The following MROH1 variants were observed in gnomAD, a reference collection of about 807,000 sequenced individuals.
MROH1 encodes the protein maestro heat like repeat family member 1, also known as maestro heat-like repeat-containing protein family member 1.
In MROH1, 117 loss-of-function variants were observed where a neutral mutation model predicts 116.5. That is an observed-to-expected ratio of 1.00 (90% CI 0.86 to 1.17). The LOEUF is 1.17. Among genes scored for constraint, MROH1 ranks in the 50% most tolerant of loss-of-function variants. The probability of loss-of-function intolerance (pLI) is 0.00; values close to 1 mark genes in which losing one functional copy is unlikely to be tolerated. For synonymous variants in MROH1, 921 were observed against 583.9 expected, an observed-to-expected ratio of 1.58 and a Z score of -8.32; for missense variants, 1,873 against 1,338.5, an observed-to-expected ratio of 1.40 and a Z score of -6.23.
At chr8:144,148,318 C>T (rs930918459) in intron 1 of MROH1, among the ~76,000 whole-genome samples, 1 of 152,196 alleles carries the variant, frequency 6.6e-6, no homozygotes, top group East Asian at 1.9e-4. Context: ...CTGTGCTCCT[C>T]CTCTGCGCCG....
At chr8:144,254,789 A>G (rs1019210399) in intron 33 of MROH1, 24 bp from the exon 34 acceptor site, 2 of 760,650 alleles carry the variant, frequency 2.6e-6, no homozygotes, top group Non-Finnish European at 4.9e-6. Flanking sequence ...ACGGCCTCAA[A>G]GTGACTCTCC....
chr8:144,255,744 G>A (rs1437091763), intron 35 of MROH1, 39 bp downstream of exon 35: 14 of 722,892 alleles, frequency 1.9e-5, no homozygotes, highest in Admixed American at 5.9e-5. Context: ...GTACTGATTC[G>A]GAAGCACAGG....
intron 7 of MROH1, among the ~76,000 whole-genome samples, chr8:144,187,530 C>A (rs1827495195): frequency 6.6e-6 from 1 of 152,242 alleles, no homozygotes; most frequent in East Asian, 1.9e-4. Context: ...CACATTCCCA[C>A]AAATTATTAG....
intron 33 of MROH1, among the ~76,000 whole-genome samples, chr8:144,253,613 G>C (rs943609549): frequency 2.6e-5 from 4 of 152,098 alleles, no homozygotes; most frequent in Non-Finnish European, 5.9e-5. Flanking sequence ...CACGTTTCCT[G>C]CCAGGTCATT....
intron 10 of MROH1, among the ~76,000 whole-genome samples, chr8:144,195,214 A>AAAAAAAAAAAAAAAAAAAAAAAAC (rs1829564855): frequency 7.2e-6 from 1 of 138,570 alleles, no homozygotes; most frequent in Non-Finnish European, 1.6e-5. Context: ...AAAAAAAAAA[A>AAAAAAAAAAAAAAAAAAAAAAAAC]AAAAAGGCCG....
Position 144,261,132 on chromosome 8 carries a change from C to T in MROH1, c.4690C>T (p.Leu1564=). The T allele has an allele frequency of 3.9e-6, 3 of 774,222 alleles. No individual in the cohort carries two copies. Among genetic ancestry groups the T allele is most frequent in the South Asian group, 2.7e-5 (2 of 74,570 alleles). 48.0% of individuals were successfully genotyped at this position (774,222 alleles called of 1,614,324 possible). ...TCCCCAGATGCACCATTTCCCAGAC[C>T]TGCTGGGCCGTCTCCTGACCACCTG... The part of the protein sequence containing the change: ...CKHLMHHFPD[L]LGRLLTTCLF... The change falls in exon 42 of 44, where the codon CTG becomes TTG. Residue 1564 remains leucine (L), a synonymous_variant. Transcript: ENST00000326134.
Position 144,247,599 on chromosome 8 carries a change from G to T in MROH1, c.3040G>T (p.Glu1014Ter). ...CCGGGACTACCGCGATGACGTGGCGGAGCGGCTCCTCAGCCTCAAGGACGG... is the reference window on the plus strand; with the variant it reads ...CCGGGACTACCGCGATGACGTGGCGTAGCGGCTCCTCAGCCTCAAGGACGG... Reference protein sequence around the residue: ...FSRDYRDDVAERLLSLKDGLV... With the variant: ...FSRDYRDDVA Residue 1014 changes from glutamate (E) to a stop codon, truncating the protein, a stop_gained, in exon 31 of 44, where the codon GAG (glutamate) becomes TAG (stop). Transcript: ENST00000326134. LOFTEE classifies it high-confidence loss of function. 1 of 773,020 alleles carries T rather than the reference G, an allele frequency of 1.3e-6. No individual in the cohort carries two copies. 47.9% of individuals were successfully genotyped at this position (773,020 alleles called of 1,614,324 possible).
Position 144,191,811 on chromosome 8 carries a change from C to A in MROH1, c.811C>A (p.Leu271Ile). 6.2e-7 allele frequency: 1 copy of A among 1,613,502 alleles called. No homozygotes were observed. Among genetic ancestry groups the A allele is most frequent in the Non-Finnish European group, 8.5e-7 (1 of 1,179,842 alleles). ...GCTGCCCAAGCTCCTCCCTGGGATT[C>A]TCGCCCTCTACAAGAAGCACGCAGA... The part of the protein sequence containing the change: ...EQLPKLLPGI[L>I]ALYKKHAETF... The change falls in exon 9 of 44, where the codon CTC (leucine) becomes ATC (isoleucine). Residue 271 changes from leucine (L) to isoleucine (I), a missense_variant. By Grantham distance (5) the Leu-to-Ile change is conservative. Coordinates refer to ENST00000326134, the MANE Select transcript of MROH1 (RefSeq NM_032450.3).
chr8:144,247,365 T>C lies in MROH1; in HGVS notation c.2936T>C (p.Leu979Pro). The change falls in exon 30 of 44, where the codon CTG becomes CCG. Residue 979 changes from leucine to proline, a missense_variant. Leu to Pro is a moderately conservative substitution (Grantham distance 98). Coordinates refer to ENST00000326134, the MANE Select transcript of MROH1 (RefSeq NM_032450.3). ...CTCTTCTCCCCACGGTGTGCGGACC[T>C]GTGGCCTGCCACCCGCCAGGAGGCC... ...IGLFSPRCAD[L>P]WPATRQEAVD... is the part of the protein sequence containing the mutation. 1 of 772,246 alleles carries C rather than the reference T, an allele frequency of 1.3e-6. No individual in the cohort carries two copies. Among genetic ancestry groups the C allele is most frequent in the South Asian group, 1.4e-5 (1 of 72,674 alleles). 47.8% of individuals were successfully genotyped at this position (772,246 alleles called of 1,614,324 possible). A position where few individuals can be genotyped will look rare whatever the true frequency, so the allele number is the denominator to read the frequency against.
chr8:144,177,745 C>A (rs761723870), intron 4 of MROH1, among the ~76,000 whole-genome samples: 3 of 149,514 alleles, frequency 2.0e-5, no homozygotes, highest in Admixed American at 6.8e-5. Context: ...TGATAGAGTT[C>A]TCAGGAGATC....
chr8:144,149,341 G>T (rs1052100181), intron 1 of MROH1, among the ~76,000 whole-genome samples: 8 of 152,128 alleles, frequency 5.3e-5, no homozygotes, highest in Non-Finnish European at 8.8e-5. Context: ...TGAGGCTAAG[G>T]TGTTTTTGTT....
At chr8:144,194,839 T>C (rs998496659) in intron 10 of MROH1, among the ~76,000 whole-genome samples, 2 of 151,884 alleles carry the variant, frequency 1.3e-5, no homozygotes, top group African/African-American at 4.8e-5. Context: ...GCCCAGGAAG[T>C]TGAGGCTGCA....
chr8:144,260,325 G>C lies in MROH1; in HGVS notation c.4331G>C (p.Arg1444Pro). 1.3e-6 allele frequency: 1 copy of C among 741,292 alleles called. No homozygotes were observed. The highest frequency in any genetic ancestry group is 1.4e-5 in the South Asian group (1 of 70,512). 45.9% of individuals were successfully genotyped at this position (741,292 alleles called of 1,614,324 possible). Residue 1444 changes from arginine (R) to proline (P), a missense_variant, in exon 39 of 44, where the codon CGC becomes CCC. Arg to Pro is a moderately radical substitution (Grantham distance 103). Coordinates refer to ENST00000326134, the MANE Select transcript of MROH1 (RefSeq NM_032450.3). ...CACCTGGTGGAGTCCTGGGACCTGC[G>C]CTCAGGGCTGCTGCACGTGGCCATC... The part of the protein sequence containing the change: ...LVHLVESWDL[R>P]SGLLHVAIRI...
At position 144,240,997 on chromosome 8, in the gene MROH1, C is replaced by T. The variant is rs1417311626; in HGVS notation, c.1941C>T (p.Phe647=). ...GTTCTCTGGTTTTGTTTCAGAACTT[C>T]CTGTACAAATGCATAGGCACCACCC... ...CYDEAPQEKN[F]LYKCIGTTLG... Residue 647 remains phenylalanine (F), a synonymous_variant, in exon 21 of 44, where the codon TTC becomes TTT. Transcript: ENST00000326134. 5.3e-6 allele frequency: 4 copies of T among 760,776 alleles called. No homozygotes were observed. Among genetic ancestry groups the T allele is most frequent in the Admixed American group, 3.6e-5 (2 of 55,570 alleles). 47.1% of individuals were successfully genotyped at this position (760,776 alleles called of 1,614,324 possible). A position where few individuals can be genotyped will look rare whatever the true frequency, so the allele number is the denominator to read the frequency against.
At position 144,163,938 on chromosome 8, in the gene MROH1, T is replaced by C; in HGVS notation, c.22+90T>C. 1.4e-6 allele frequency: 2 copies of C among 1,435,824 alleles called. No homozygotes were observed. Among genetic ancestry groups the C allele is most frequent in the Non-Finnish European group, 1.9e-6 (2 of 1,030,740 alleles). 88.9% of individuals were successfully genotyped at this position (1,435,824 alleles called of 1,614,324 possible). ...AGGCCAAGGCTCTTACCAGCTCCAA[T>C]GGTGCCTAGAGTTTCCACCCTATAC... On this transcript the variant is annotated intron_variant, in intron 3 of 43. Coordinates refer to ENST00000326134, the MANE Select transcript of MROH1 (RefSeq NM_032450.3). The surrounding 1 kb of genome is among the most constrained non-coding windows in gnomAD (Gnocchi z 4.4).
chr8:144,216,684 CTTTTTTTTTT>C (rs71320815), intron 12 of MROH1, among the ~76,000 whole-genome samples: 12 of 142,926 alleles, frequency 8.4e-5, no homozygotes, highest in African/African-American at 1.1e-4. Context: ...TTTTTTACTG[CTTTTTTTTTT>C]TTTTTTTTTT....
At chr8:144,242,225 G>A (rs1349081011) in intron 22 of MROH1, 144 bp from the exon 23 acceptor site, 12 of 755,128 alleles carry the variant, frequency 1.6e-5, no homozygotes, top group South Asian at 2.8e-5. Context: ...AGGTGGTGCC[G>A]TGCACGGCTG....
At chr8:144,212,076 T>TTTTTTGTTTG (rs1554813808) in intron 12 of MROH1, among the ~76,000 whole-genome samples, 3 of 151,206 alleles carry the variant, frequency 2.0e-5, no homozygotes, top group East Asian at 1.9e-4. Context: ...TGTGTTGTTT[T>TTTTTTGTTTG]TTTGTTTGTT....
chr8:144,213,124 C>T (rs2132164873), intron 12 of MROH1: 1 of 770,818 alleles, frequency 1.3e-6, no homozygotes, highest in Non-Finnish European at 2.4e-6. Flanking sequence ...TTGCTTGAGT[C>T]ACCACGGCTG....
Sources: gnomAD v4.1 joint callset for allele counts (sites outside exome capture counted in the v4.1 genomes callset) on GRCh38, gnomAD v4.1.1 for gene constraint, Gnocchi (gnomAD v3.1) non-coding constraint, MANE v1.5 for transcripts, NCBI Gene and HGNC (gene_info 2026-07-23, HGNC 2026-07-21) for gene names.